ALDH3B1: variants seen among roughly 807,000 people sequenced by gnomAD.
The protein encoded by ALDH3B1 is aldehyde dehydrogenase family 3 member B1.
In ALDH3B1, 37 loss-of-function variants were observed where a neutral mutation model predicts 46.2. The observed-to-expected ratio is 0.80, with a 90% confidence interval of 0.62 to 1.05. The LOEUF (loss-of-function observed/expected upper bound fraction) is 1.05. Ranked by LOEUF, ALDH3B1 falls within the 50% of genes least tolerant of loss-of-function variation. ALDH3B1 has a pLI of 0.00. For synonymous variants in ALDH3B1, 283 were observed against 281.0 expected, an observed-to-expected ratio of 1.01 and a Z score of -0.07; for missense variants, 603 against 665.5, an observed-to-expected ratio of 0.91 and a Z score of 1.03.
In ALDH3B1 at chr11:68,021,654, C is replaced by T. The variant is rs762837924; in HGVS notation, c.732C>T (p.Cys244=). The part of the protein sequence containing the change: ...WFRYFNAGQT[C]VAPDYVLCSP... ...GCTACTTCAACGCCGGCCAGACCTGCGTGGCCCCCGACTACGTCCTATGCA... is the reference window on the plus strand; with the variant it reads ...GCTACTTCAACGCCGGCCAGACCTGTGTGGCCCCCGACTACGTCCTATGCA... Residue 244 remains cysteine (C), a synonymous_variant, in exon 7 of 10, where the codon TGC becomes TGT. Transcript: ENST00000342456. The T allele has an allele frequency of 8.7e-6, 14 of 1,613,834 alleles. No individual in the cohort carries two copies. The highest frequency in any genetic ancestry group is 5.3e-5 in the African/African-American group (4 of 74,900).
chr11:68,027,293 C>T (rs1857650169), intron 9 of ALDH3B1, among the ~76,000 whole-genome samples: 1 of 152,180 alleles, frequency 6.6e-6, no homozygotes. Flanking sequence ...ACGCCCTGGC[C>T]TGGGGCCTCG....
intron 2 of ALDH3B1, 24 bp from the exon 3 acceptor site, chr11:68,018,503 C>T (rs2134388286): frequency 6.5e-7 from 1 of 1,544,102 alleles, no homozygotes; most frequent in East Asian, 2.4e-5. Context: ...CCTGGCCCAC[C>T]CTGACCCCAC....
At chr11:68,027,328 G>T (rs867297923) in intron 9 of ALDH3B1, among the ~76,000 whole-genome samples, 1 of 152,160 alleles carries the variant, frequency 6.6e-6, no homozygotes, top group Non-Finnish European at 1.5e-5. Context: ...TAGACGCTGA[G>T]GAGAGTTCAC....
At chr11:68,009,166 C>T (rs1447554671), upstream of ALDH3B1, among the ~76,000 whole-genome samples, 1 of 152,208 alleles carries the variant, frequency 6.6e-6, no homozygotes, top group Non-Finnish European at 1.5e-5. Context: ...ATGTTCACAT[C>T]CCACCCCCTC....
rs1219747193 is a variant in ALDH3B1 at position 68,015,426 on chromosome 11, T to C, written c.129T>C (p.Leu43=). 5 of 1,560,952 alleles carry C rather than the reference T, an allele frequency of 3.2e-6. No individual in the cohort carries two copies. The highest frequency in any genetic ancestry group is 3.5e-6 in the Non-Finnish European group (4 of 1,152,954). ...LGRFLQENKQ[L]LHDALAQDLH... ...GCTTCCTGCAAGAAAACAAGCAGCT[T>C]CTGCACGACGCACTGGCCCAGGACC... The change falls in exon 2 of 10, where the codon CTT becomes CTC. Residue 43 remains leucine (L), a synonymous_variant. Transcript: ENST00000342456.
chr11:68,027,593 G>A lies in ALDH3B1; in HGVS notation c.1217-156G>A, dbSNP rs189012958. ...GGCTTACTGAGCTGGTGCCAAGCTC[G>A]GGGCCAAGCCCTTTACACACAGTGC... is the stretch of plus-strand genomic sequence containing the variant. On this transcript the variant is annotated intron_variant, in intron 9 of 9. Transcript: ENST00000342456. Among the ~76,000 whole-genome samples, 265 of 152,256 alleles carry A rather than the reference G, an allele frequency of 1.7e-3. 1 individual carries two copies. The highest frequency in any genetic ancestry group is 6.0e-3 in the African/African-American group (251 of 41,548).
intron 2 of ALDH3B1, 100 bp downstream of exon 2, chr11:68,015,559 G>A (rs7116941): frequency 6.7e-7 from 1 of 1,498,670 alleles, no homozygotes; most frequent in African/African-American, 1.4e-5. Context: ...CCTCCATGAA[G>A]CGGGGCTAAA....
intron 1 of ALDH3B1, among the ~76,000 whole-genome samples, chr11:68,012,377 G>A (rs1857251918): frequency 6.6e-6 from 1 of 152,184 alleles, no homozygotes. Context: ...AGAGGAAGTG[G>A]CTGGTCCTGC....
chr11:68,018,287 G>A (rs75687832), intron 2 of ALDH3B1: 11,837 of 545,620 alleles, frequency 0.022, 502 homozygotes, highest in African/African-American at 0.11. Flanking sequence ...AGCCGTCAGC[G>A]TTCTCACTTT....
chr11:68,009,892 G>C (rs1446312643), upstream of ALDH3B1, among the ~76,000 whole-genome samples: 1 of 152,140 alleles, frequency 6.6e-6, no homozygotes, highest in Non-Finnish European at 1.5e-5. Flanking sequence ...GAGGCATTGA[G>C]GGAAGGCTGG....
intron 2 of ALDH3B1, chr11:68,016,099 T>C (rs950637250): frequency 1.8e-5 from 3 of 164,240 alleles, no homozygotes; most frequent in Admixed American, 1.2e-4. Context: ...TTACACAGCA[T>C]ATTGGGTTGA....
chr11:68,010,611 C>G (rs929043143), intron 1 of ALDH3B1, among the ~76,000 whole-genome samples: 19 of 152,202 alleles, frequency 1.2e-4, no homozygotes, highest in Admixed American at 3.3e-4. Context: ...TCCCGGGCAC[C>G]CCCCTGGCCA....
chr11:68,026,040 G>A lies in ALDH3B1; in HGVS notation c.1148G>A (p.Ser383Asn). Reference protein sequence around the residue: ...VVKRVLTQTSSGGFCGNDGFM... With the variant: ...VVKRVLTQTSNGGFCGNDGFM... Reference sequence around the variant, plus strand: ...AAGCGGGTGCTGACCCAGACCAGCAGCGGGGGCTTCTGTGGGAACGACGGC... The same window carrying A: ...AAGCGGGTGCTGACCCAGACCAGCAACGGGGGCTTCTGTGGGAACGACGGC... The change falls in exon 9 of 10, where the codon AGC (serine) becomes AAC (asparagine). Residue 383 changes from serine (S) to asparagine (N), a missense_variant. Transcript: ENST00000342456. 2 of 1,609,120 alleles carry A rather than the reference G, an allele frequency of 1.2e-6. No homozygotes were observed. Among genetic ancestry groups the A allele is most frequent in the Non-Finnish European group, 1.7e-6 (2 of 1,177,792 alleles).
At chr11:68,026,257 C>G in intron 9 of ALDH3B1, 149 bp downstream of exon 9, 1 of 650,538 alleles carries the variant, frequency 1.5e-6, no homozygotes, top group Non-Finnish European at 2.5e-6. Flanking sequence ...ATCCTGCTCC[C>G]CACCCCAGAG....
At chr11:68,027,604 C>T in intron 9 of ALDH3B1, 145 bp from the exon 10 acceptor site, 2 of 897,958 alleles carry the variant, frequency 2.2e-6, no homozygotes, top group Non-Finnish European at 3.3e-6. Flanking sequence ...GGGCCAAGCC[C>T]TTTACACACA....
chr11:68,020,265 G>C (rs533346642), intron 6 of ALDH3B1, among the ~76,000 whole-genome samples: 9 of 151,962 alleles, frequency 5.9e-5, no homozygotes, highest in Non-Finnish European at 1.3e-4. Flanking sequence ...GTCTTGCTCT[G>C]TCACCCAGGC....
At position 68,027,883 on chromosome 11, in the gene ALDH3B1, C is replaced by A; in HGVS notation, c.1351C>A (p.Leu451Met). 2 of 1,563,968 alleles carry A rather than the reference C, an allele frequency of 1.3e-6. No homozygotes were observed. The highest frequency in any genetic ancestry group is 2.4e-5 in the East Asian group (1 of 41,986). Reference sequence around the variant, plus strand: ...CTACCCGCCGCAATCGCCGCGCCGCCTGAGGATGCTGCTGGTGGCCATGGA... The same window carrying A: ...CTACCCGCCGCAATCGCCGCGCCGCATGAGGATGCTGCTGGTGGCCATGGA... ...LRYPPQSPRR[L>M]RMLLVAMEAQ... The change falls in exon 10 of 10, where the codon CTG (leucine) becomes ATG (methionine). Residue 451 changes from leucine (L) to methionine (M), a missense_variant. Transcript: ENST00000342456.
chr11:68,018,346 CTGTT>C (rs1857398930), intron 2 of ALDH3B1, 177 bp from the exon 3 acceptor site: 1 of 596,096 alleles, frequency 1.7e-6, no homozygotes, highest in Non-Finnish European at 2.9e-6. Flanking sequence ...GCCGGTCCCT[CTGTT>C]TGGCACAGAG....
chr11:68,018,250 T>C (rs1044353707), intron 2 of ALDH3B1: 3 of 470,828 alleles, frequency 6.4e-6, no homozygotes, highest in Non-Finnish European at 7.7e-6. Context: ...GCTCCATGAT[T>C]TCCCTAGCAC....
Sources: allele counts gnomAD v4.1 joint callset (sites outside exome capture counted in the v4.1 genomes callset), GRCh38; gene constraint gnomAD v4.1.1; transcripts MANE v1.5; gene names NCBI Gene and HGNC (gene_info 2026-07-23, HGNC 2026-07-21).